The following KLHL21 variants were observed in gnomAD, a reference collection of about 807,000 sequenced individuals.
KLHL21 encodes the protein kelch like family member 21, also known as kelch-like protein 21.
KLHL21 carries 42 observed loss-of-function variants against 44.1 expected under a neutral mutation model. The ratio of observed to expected loss-of-function variants is 0.95; its 90% CI spans 0.74 to 1.23. KLHL21 has a LOEUF of 1.23. Among genes scored for constraint, KLHL21 ranks in the 50% most tolerant of loss-of-function variants. The probability of loss-of-function intolerance (pLI) is 0.00; values close to 1 mark genes in which losing one functional copy is unlikely to be tolerated. For missense variants in KLHL21, 918 were observed against 889.1 expected (o/e 1.03, Z -0.41); for synonymous variants, 524 against 411.6 (o/e 1.27, Z -3.31).
Position 6,593,302 on chromosome 1 carries a change from G to A in KLHL21, c.*63C>T. ...AACGTGTCCTTGTGCACAAAGGAGT[G>A]GGGCACTGCCCCGCAGAGGTGCCAG... On this transcript the variant is annotated 3_prime_UTR_variant, in exon 4 of 4. Coordinates refer to ENST00000377658, the MANE Select transcript of KLHL21 (RefSeq NM_014851.4). 5 of 1,470,686 alleles carry A rather than the reference G, an allele frequency of 3.4e-6. No homozygotes were observed. Among genetic ancestry groups the A allele is most frequent in the Non-Finnish European group, 4.5e-6 (5 of 1,098,938 alleles). The allele number at this position is 1,470,686 out of a possible 1,614,324, so 91.1% of individuals were successfully genotyped here.
chr1:6,599,360 G>T lies in KLHL21; in HGVS notation c.1114C>A (p.Arg372Ser). The T allele has an allele frequency of 1.9e-6, 3 of 1,613,782 alleles. No individual in the cohort carries two copies. The highest frequency in any genetic ancestry group is 2.5e-6 in the Non-Finnish European group (3 of 1,180,008). Residue 372 changes from arginine (R) to serine (S), a missense_variant, in exon 2 of 4, where the codon CGC becomes AGC. Coordinates refer to ENST00000377658, the MANE Select transcript of KLHL21 (RefSeq NM_014851.4). ...WAEVAPMLKAREYHSSSVLDG... is the reference protein window; with the variant it reads ...WAEVAPMLKASEYHSSSVLDG... The stretch of plus-strand genomic sequence containing the variant: ...AGCACAGAGGAGCTGTGGTACTCGC[G>T]GGCCTTCAGCATGGGCGCCACCTCC...
In KLHL21 at chr1:6,593,186, T is replaced by C; in HGVS notation, c.*179A>G. On this transcript the variant is annotated 3_prime_UTR_variant, in exon 4 of 4. Transcript: ENST00000377658. ...CAGGGAGGGCGTTCCCGACGGCCTC[T>C]GATTCAGGCTCTCAAGGTACAGAAA... The C allele has an allele frequency of 1.6e-6, 1 of 611,410 alleles. No homozygotes were observed. The highest frequency in any genetic ancestry group is 2.7e-6 in the Non-Finnish European group (1 of 368,180). 37.9% of individuals were successfully genotyped at this position (611,410 alleles called of 1,614,324 possible). A position where few individuals can be genotyped will look rare whatever the true frequency, so the allele number is the denominator to read the frequency against.
chr1:6,601,880 T>A lies in KLHL21; in HGVS notation c.938A>T (p.Gln313Leu). 1.3e-6 allele frequency: 2 copies of A among 1,571,920 alleles called. No individual in the cohort carries two copies. Among genetic ancestry groups the A allele is most frequent in the South Asian group, 2.3e-5 (2 of 85,678 alleles). Residue 313 changes from glutamine (Q) to leucine (L), a missense_variant, in exon 1 of 4, where the codon CAG (glutamine) becomes CTG (leucine). Gln to Leu is a moderately radical substitution (Grantham distance 113, BLOSUM62 -2). Coordinates refer to ENST00000377658, the MANE Select transcript of KLHL21 (RefSeq NM_014851.4). The stretch of plus-strand genomic sequence containing the variant: ...TGGGAACTCGGCCAGGTAGCGCCAC[T>A]GACCCGTCTGCGGGTTGTAGCAGTC... ...TVDCYNPQTG[Q>L]WRYLAEFPDH...
chr1:6,598,963 G>C, intron 2 of KLHL21, 84 bp downstream of exon 2: 3 of 1,349,638 alleles, frequency 2.2e-6, no homozygotes, highest in Non-Finnish European at 3.0e-6. Flanking sequence ...CTGTGGAAAA[G>C]GGAGAACAGC....
intron 2 of KLHL21, among the ~76,000 whole-genome samples, chr1:6,598,744 A>G (rs971891739): frequency 5.3e-5 from 8 of 152,040 alleles, no homozygotes; most frequent in East Asian, 1.9e-4. Context: ...TTAGCCAGGC[A>G]TGGTGGTGGG....
At position 6,602,812 on chromosome 1, in the gene KLHL21, C is replaced by T. The variant is rs1357253558; in HGVS notation, c.6G>A (p.Glu2=). 1 of 1,439,038 alleles carries T rather than the reference C, an allele frequency of 6.9e-7. No homozygotes were observed. The highest frequency in any genetic ancestry group is 1.5e-5 in the African/African-American group (1 of 66,374). 89.1% of individuals were successfully genotyped at this position (1,439,038 alleles called of 1,614,324 possible). A position where few individuals can be genotyped will look rare whatever the true frequency, so the allele number is the denominator to read the frequency against. Residue 2 remains glutamate (E), a synonymous_variant, in exon 1 of 4, where the codon GAG becomes GAA. Transcript: ENST00000377658. ...GAAGCACGGCCAGGGGCGCCGGTCG[C>T]TCCATGGCGCCTTCGATAGGTTGTC... M[E]RPAPLAVLPF...
In KLHL21 at chr1:6,593,567, T is replaced by C; in HGVS notation, c.1592A>G (p.Glu531Gly). Residue 531 changes from glutamate to glycine, a missense_variant, in exon 4 of 4, where the codon GAG becomes GGG. Coordinates refer to ENST00000377658, the MANE Select transcript of KLHL21 (RefSeq NM_014851.4). The part of the protein sequence containing the change: ...DNTFELSDVV[E>G]AYDPETRAWS... Reference sequence around the variant, plus strand: ...CGCGCGAGTCTCTGGGTCATAGGCCTCTACCACGTCCGAGAGTTCAAATGT... The same window carrying C: ...CGCGCGAGTCTCTGGGTCATAGGCCCCTACCACGTCCGAGAGTTCAAATGT... The C allele has an allele frequency of 1.2e-6, 2 of 1,613,950 alleles. No homozygotes were observed. The highest frequency in any genetic ancestry group is 1.7e-6 in the Non-Finnish European group (2 of 1,179,956).
intron 2 of KLHL21, among the ~76,000 whole-genome samples, chr1:6,596,623 A>G (rs930585592): frequency 1.6e-4 from 25 of 152,302 alleles, no homozygotes; most frequent in African/African-American, 5.5e-4. Flanking sequence ...TTTGCCCCCA[A>G]TCATTTCAAA....
At chr1:6,594,022 G>A in intron 3 of KLHL21, 1 of 1,050,170 alleles carries the variant, frequency 9.5e-7, no homozygotes. Context: ...AGGCTTGCAT[G>A]GCTGACAGTG....
At position 6,593,402 on chromosome 1, in the gene KLHL21, C is replaced by T. The variant is rs772932433; in HGVS notation, c.1757G>A (p.Arg586Gln). 1.6e-5 allele frequency: 26 copies of T among 1,606,552 alleles called. No individual in the cohort carries two copies. Among genetic ancestry groups the T allele is most frequent in the Non-Finnish European group, 2.0e-5 (24 of 1,176,578 alleles). ...ATCGGGGTCCCGCGGCGGCCGGGGT[C>T]GGCCTGGGTCCATGTCATCGCTGCC... ...DSGSDDMDPG[R>Q]PRPPRDPDEL... is the part of the protein sequence containing the mutation. The change falls in exon 4 of 4, where the codon CGA becomes CAA. Residue 586 changes from arginine (R) to glutamine (Q), a missense_variant. Arg to Gln is a conservative substitution (Grantham distance 43). Transcript: ENST00000377658.
Position 6,599,376 on chromosome 1 carries a change from C to T in KLHL21, c.1098G>A (p.Ala366=), listed in dbSNP as rs773454858. Residue 366 remains alanine, a synonymous_variant, in exon 2 of 4, where the codon GCG becomes GCA. Coordinates refer to ENST00000377658, the MANE Select transcript of KLHL21 (RefSeq NM_014851.4). ...GGTACTCGCGGGCCTTCAGCATGGGCGCCACCTCCGCCCACTCATTCACGC... is the reference window on the plus strand; with the variant it reads ...GGTACTCGCGGGCCTTCAGCATGGGTGCCACCTCCGCCCACTCATTCACGC... The part of the protein sequence containing the change: ...NSSVNEWAEV[A]PMLKAREYHS... 3.3e-5 allele frequency: 53 copies of T among 1,613,570 alleles called. No individual in the cohort carries two copies. Among genetic ancestry groups the T allele is most frequent in the East Asian group, 6.7e-5 (3 of 44,892 alleles).
chr1:6,599,404 G>T lies in KLHL21; in HGVS notation c.1070C>A (p.Ser357Ter). Residue 357 changes from serine to a stop codon, truncating the protein, a stop_gained, in exon 2 of 4, where the codon TCA becomes TAA. Transcript: ENST00000377658. LOFTEE classifies it high-confidence loss of function. Reference sequence around the variant, plus strand: ...CACCTCCGCCCACTCATTCACGCTTGAGTTGTACCTCCACACGCAGTCATA... The same window carrying T: ...CACCTCCGCCCACTCATTCACGCTTTAGTTGTACCTCCACACGCAGTCATA... ...RLYDCVWRYN[S>*]SVNEWAEVAP... 3.1e-6 allele frequency: 5 copies of T among 1,613,268 alleles called. No homozygotes were observed. The highest frequency in any genetic ancestry group is 3.4e-6 in the Non-Finnish European group (4 of 1,179,884).
In KLHL21 at chr1:6,593,596, G is replaced by A. The variant is rs78053331; in HGVS notation, c.1563C>T (p.Asp521=). The A allele has an allele frequency of 4.8e-4, 776 of 1,612,898 alleles. 3 individuals are homozygous for A. The African/African-American group carries it at 9.3e-3, about 19-fold the overall frequency. Reference sequence around the variant, plus strand: ...CCACGTCCGAGAGTTCAAATGTATTGTCGTATCCCCCAGAGACGTACAGCT... The same window carrying A: ...CCACGTCCGAGAGTTCAAATGTATTATCGTATCCCCCAGAGACGTACAGCT... The part of the protein sequence containing the change: ...GGKLYVSGGY[D]NTFELSDVVE... Residue 521 remains aspartate (D), a synonymous_variant, in exon 4 of 4, where the codon GAC becomes GAT. Coordinates refer to ENST00000377658, the MANE Select transcript of KLHL21 (RefSeq NM_014851.4).
At position 6,590,940 on chromosome 1, in the gene KLHL21, G is replaced by A. The variant is rs575765242; in HGVS notation, c.*2425C>T. The A allele has an allele frequency of 3.8e-5, 15 of 398,666 alleles. 1 individual carries two copies. The Middle Eastern group carries it at 1.9e-3, about 50-fold the overall frequency. The allele number at this position is 398,666 out of a possible 1,614,324, so 24.7% of individuals were successfully genotyped here. ...ATATAGAATACCTTATAGTAGATCA[G>A]CATTAAATACCAGTCACTGTGTTTA... On this transcript the variant is annotated 3_prime_UTR_variant, in exon 4 of 4. Transcript: ENST00000377658.
At position 6,595,489 on chromosome 1, in the gene KLHL21, T is replaced by C. The variant is rs780271930; in HGVS notation, c.1496A>G (p.Asn499Ser). 2.5e-6 allele frequency: 4 copies of C among 1,614,130 alleles called. No homozygotes were observed. The highest frequency in any genetic ancestry group is 2.2e-5 in the South Asian group (2 of 91,072). ...RNEWDKIPSM[N>S]QVHVGGSLAV... ...CTGGCCCGCCTGAAAATTTACCTGATTCATGGACGGGATCTTGTCCCATTC... is the reference window on the plus strand; with the variant it reads ...CTGGCCCGCCTGAAAATTTACCTGACTCATGGACGGGATCTTGTCCCATTC... Residue 499 changes from asparagine to serine, a missense_variant, in exon 3 of 4, where the codon AAT (asparagine) becomes AGT (serine). Asn to Ser is a conservative substitution (Grantham distance 46). Transcript: ENST00000377658.
Position 6,592,065 on chromosome 1 carries a change from G to A in KLHL21, c.*1300C>T, listed in dbSNP as rs1017856174. Reference sequence around the variant, plus strand: ...GACTGGGCTCTTGAGGAGCACGAGGGAGAGGCCAGGCAGCCCTGTCAGGGG... The same window carrying A: ...GACTGGGCTCTTGAGGAGCACGAGGAAGAGGCCAGGCAGCCCTGTCAGGGG... On this transcript the variant is annotated 3_prime_UTR_variant, in exon 4 of 4. Coordinates refer to ENST00000377658, the MANE Select transcript of KLHL21 (RefSeq NM_014851.4). 1 of 152,302 alleles carries A rather than the reference G, an allele frequency of 6.6e-6. No individual in the cohort carries two copies. The highest frequency in any genetic ancestry group is 2.1e-4 in the South Asian group (1 of 4,838). The allele number at this position is 152,302 out of a possible 1,614,324, so 9.4% of individuals were successfully genotyped here.
At position 6,595,475 on chromosome 1, in the gene KLHL21, G is replaced by A. The variant is rs1570194703; in HGVS notation, c.1500+10C>T. The A allele has an allele frequency of 1.9e-6, 3 of 1,613,894 alleles. No individual in the cohort carries two copies. In the African/African-American group the frequency reaches 4.0e-5, roughly 22 times the overall value. ...CTGTGCTTCCAATGCTGGCCCGCCT[G>A]AAAATTTACCTGATTCATGGACGGG... On this transcript the variant is annotated intron_variant, in intron 3 of 3. Transcript: ENST00000377658.
chr1:6,602,240 G>A lies in KLHL21; in HGVS notation c.578C>T (p.Pro193Leu). The change falls in exon 1 of 4, where the codon CCC becomes CTC. Residue 193 changes from proline (P) to leucine (L), a missense_variant. Transcript: ENST00000377658. ...CAGCTGGTAGGCGGCCTCCTCCTTGGGCACACACAGCCCGTCGTCCCGCAG... is the reference window on the plus strand; with the variant it reads ...CAGCTGGTAGGCGGCCTCCTCCTTGAGCACACACAGCCCGTCGTCCCGCAG... Reference protein sequence around the residue: ...RYLRDDGLCVPKEEAAYQLAL... With the variant: ...RYLRDDGLCVLKEEAAYQLAL... 2.6e-6 allele frequency: 4 copies of A among 1,538,284 alleles called. No individual in the cohort carries two copies. Among genetic ancestry groups the A allele is most frequent in the Non-Finnish European group, 3.5e-6 (4 of 1,148,852 alleles).
At chr1:6,597,920 C>A (rs1454158968) in intron 2 of KLHL21, among the ~76,000 whole-genome samples, 1 of 152,218 alleles carries the variant, frequency 6.6e-6, no homozygotes, top group Non-Finnish European at 1.5e-5. Context: ...CATTGATGCC[C>A]AGAAACCAGC....
Sources: allele counts gnomAD v4.1 joint callset (sites outside exome capture counted in the v4.1 genomes callset), GRCh38; gene constraint gnomAD v4.1.1; transcripts MANE v1.5; gene names NCBI Gene and HGNC (gene_info 2026-07-23, HGNC 2026-07-21).